KDM1B: variants seen among roughly 807,000 people sequenced by gnomAD.
KDM1B encodes lysine demethylase 1B.
A neutral mutation model predicts 107.4 loss-of-function variants in KDM1B; 63 were observed. The observed-to-expected ratio is 0.59, with a 90% CI of 0.48 to 0.72. The LOEUF (loss-of-function observed/expected upper bound fraction) is 0.72. Ranked by LOEUF, KDM1B falls within the 30% of genes least tolerant of loss-of-function variation. The pLI is 0.00. For synonymous variants in KDM1B, 363 were observed against 363.9 expected (o/e 1.00, Z 0.03); for missense variants, 749 against 1,020.8 (o/e 0.73, Z 3.63).
chr6:18,219,936 C>A (rs974213323), intron 21 of KDM1B, among the ~76,000 whole-genome samples: 2 of 152,212 alleles, frequency 1.3e-5, no homozygotes, highest in East Asian at 3.9e-4. Context: ...CTCTAAGTCA[C>A]ATCTCTGAGG....
At chr6:18,163,571 A>G (rs1785104992) in intron 5 of KDM1B, among the ~76,000 whole-genome samples, 1 of 152,200 alleles carries the variant, frequency 6.6e-6, no homozygotes, top group African/African-American at 2.4e-5. Flanking sequence ...TTTAAATGCC[A>G]TAAATTTCTG....
intron 7 of KDM1B, among the ~76,000 whole-genome samples, chr6:18,173,409 G>A (rs2150835488): frequency 6.6e-6 from 1 of 152,130 alleles, no homozygotes; most frequent in Middle Eastern, 3.4e-3. Context: ...ATGTAATCTG[G>A]ATATAACCAT....
chr6:18,168,505 C>T (rs533892524), intron 6 of KDM1B, among the ~76,000 whole-genome samples: 2 of 152,244 alleles, frequency 1.3e-5, no homozygotes, highest in Admixed American at 6.5e-5. Flanking sequence ...TTTAAGCATT[C>T]ATCTATTGAT....
Position 18,191,233 on chromosome 6 carries a change from A to T in KDM1B, c.821A>T (p.Gln274Leu), listed in dbSNP as rs2150934211. ...GMNRYFQPFY[Q>L]PNECGKALCV... The stretch of plus-strand genomic sequence containing the variant: ...AACCGATACTTCCAGCCTTTCTACC[A>T]GCCCAATGAGTGTGGCAAAGCCCTC... The change falls in exon 10 of 22, where the codon CAG becomes CTG. Residue 274 changes from glutamine to leucine, a missense_variant. Gln to Leu is a moderately radical substitution (Grantham distance 113, BLOSUM62 -2). Transcript: ENST00000650836. This position sits in a 1 kb window ranked among gnomAD's most constrained non-coding sequence, Gnocchi z 5.1. The T allele has an allele frequency of 6.4e-6, 10 of 1,550,578 alleles. No homozygotes were observed. The highest frequency in any genetic ancestry group is 8.7e-6 in the Non-Finnish European group (10 of 1,147,004).
intron 12 of KDM1B, among the ~76,000 whole-genome samples, chr6:18,199,630 A>G (rs1787902763): frequency 1.3e-5 from 2 of 152,088 alleles, no homozygotes; most frequent in South Asian, 4.1e-4. Flanking sequence ...GGGGCAATAA[A>G]ATAGCCTGGG....
Position 18,197,678 on chromosome 6 carries a change from A to G in KDM1B, c.1221+17A>G, listed in dbSNP as rs1317335210. 6.2e-7 allele frequency: 1 copy of G among 1,602,586 alleles called. No individual in the cohort carries two copies. The highest frequency in any genetic ancestry group is 8.5e-7 in the Non-Finnish European group (1 of 1,169,740). On this transcript the variant is annotated intron_variant, in intron 12 of 21. Transcript: ENST00000650836. This position sits in a 1 kb window ranked among gnomAD's most constrained non-coding sequence, Gnocchi z 4.5. Reference sequence around the variant, plus strand: ...GGAATTAAGGTAGGATTTTGGGGACATGGAGTTAGAACAGATGGTTGACTG... The same window carrying G: ...GGAATTAAGGTAGGATTTTGGGGACGTGGAGTTAGAACAGATGGTTGACTG...
intron 5 of KDM1B, among the ~76,000 whole-genome samples, chr6:18,163,213 C>T (rs1785081114): frequency 6.7e-6 from 1 of 150,216 alleles, no homozygotes; most frequent in Non-Finnish European, 1.5e-5. Context: ...TTTCAGCTTA[C>T]TGCAACCTCC....
chr6:18,212,393 T>G lies in KDM1B; in HGVS notation c.1867-95T>G. On this transcript the variant is annotated intron_variant, in intron 17 of 21. Coordinates refer to ENST00000650836, the MANE Select transcript of KDM1B (RefSeq NM_001364614.2). This position sits in a 1 kb window ranked among gnomAD's most constrained non-coding sequence, Gnocchi z 5.2. ...CAGTTGCACATGGCAGCCCTTGTTCTTGCCAGTATAACAGCATGGGTTGTT... is the reference window on the plus strand; with the variant it reads ...CAGTTGCACATGGCAGCCCTTGTTCGTGCCAGTATAACAGCATGGGTTGTT... 1 of 815,720 alleles carries G rather than the reference T, an allele frequency of 1.2e-6. No individual in the cohort carries two copies. Among genetic ancestry groups the G allele is most frequent in the Non-Finnish European group, 2.2e-6 (1 of 460,684 alleles). 50.5% of individuals were successfully genotyped at this position (815,720 alleles called of 1,614,324 possible). A position where few individuals can be genotyped will look rare whatever the true frequency, so the allele number is the denominator to read the frequency against.
Position 18,212,125 on chromosome 6 carries a change from T to TA in KDM1B, c.1867-363_1867-362insA. 5.2e-6 allele frequency: 1 copy of TA among 190,634 alleles called. No homozygotes were observed. The highest frequency in any genetic ancestry group is 1.1e-5 in the Non-Finnish European group (1 of 91,322). The allele number at this position is 190,634 out of a possible 1,614,324, so 11.8% of individuals were successfully genotyped here. A position where few individuals can be genotyped will look rare whatever the true frequency, so the allele number is the denominator to read the frequency against. On this transcript the variant is annotated intron_variant, in intron 17 of 21. Transcript: ENST00000650836. This position sits in a 1 kb window ranked among gnomAD's most constrained non-coding sequence, Gnocchi z 5.2. ...CACACCTGGCTAATTTTTGTATTTT[T>TA]GTAGAGACAGGGTTTCACCATGTTG...
chr6:18,164,661 C>T (rs1423078878), intron 5 of KDM1B, among the ~76,000 whole-genome samples: 1 of 151,842 alleles, frequency 6.6e-6, no homozygotes, highest in East Asian at 1.9e-4. Context: ...GAGTAGGTTT[C>T]TTTTCTTTTC....
At position 18,200,369 on chromosome 6, in the gene KDM1B, A is replaced by G. The variant is rs1787954645; in HGVS notation, c.1222-70A>G. ...AGGCTATTTAACAGTGTCCTTCTAC[A>G]TTTTTATAATACTGTGTCTGATATA... is the stretch of plus-strand genomic sequence containing the variant. On this transcript the variant is annotated intron_variant, in intron 12 of 21. Coordinates refer to ENST00000650836, the MANE Select transcript of KDM1B (RefSeq NM_001364614.2). The surrounding 1 kb of genome is among the most constrained non-coding windows in gnomAD (Gnocchi z 4.3). The G allele has an allele frequency of 6.2e-6, 9 of 1,444,506 alleles. No individual in the cohort carries two copies. The African/African-American group carries it at 1.1e-4, about 18-fold the overall frequency. The allele number at this position is 1,444,506 out of a possible 1,614,324, so 89.5% of individuals were successfully genotyped here.
chr6:18,215,246 GTCT>G (rs1789134375), intron 20 of KDM1B, 117 bp downstream of exon 20: 1 of 1,219,430 alleles, frequency 8.2e-7, no homozygotes, highest in Non-Finnish European at 1.1e-6. Flanking sequence ...AGAGGCCACA[GTCT>G]TCTTTCTTTC....
At chr6:18,161,125 T>A (rs1002368329) in intron 3 of KDM1B, among the ~76,000 whole-genome samples, 1 of 152,188 alleles carries the variant, frequency 6.6e-6, no homozygotes, top group Non-Finnish European at 1.5e-5. Flanking sequence ...GTTAAAATGC[T>A]ATTTCTATAT....
chr6:18,178,055 C>T (rs775431920), intron 7 of KDM1B, among the ~76,000 whole-genome samples: 3 of 151,668 alleles, frequency 2.0e-5, no homozygotes, highest in Non-Finnish European at 4.4e-5. Context: ...AATTTTTTTT[C>T]CTGTAATTGT....
chr6:18,219,637 C>T (rs941541922), intron 21 of KDM1B, among the ~76,000 whole-genome samples: 4 of 152,204 alleles, frequency 2.6e-5, no homozygotes, highest in Non-Finnish European at 5.9e-5. Flanking sequence ...TTTCCTCAGT[C>T]TCAGAGTTCT....
In KDM1B at chr6:18,215,977, T is replaced by A. The variant is rs214583; in HGVS notation, c.2232+848T>A. ...GAGATTTGTAAATGGCCATGGCTTATATCTTTTTGAAATAAAGGAGCAGAA... is the reference window on the plus strand; with the variant it reads ...GAGATTTGTAAATGGCCATGGCTTAAATCTTTTTGAAATAAAGGAGCAGAA... On this transcript the variant is annotated intron_variant, in intron 20 of 21. Coordinates refer to ENST00000650836, the MANE Select transcript of KDM1B (RefSeq NM_001364614.2). Among the ~76,000 whole-genome samples the A allele has an allele frequency of 2.0e-5, 3 of 152,216 alleles. No individual in the cohort carries two copies. The South Asian group carries it at 6.2e-4, about 32-fold the overall frequency.
In KDM1B at chr6:18,179,836, A is replaced by ACTAGATATTTTTTCT. The variant is rs369714077; in HGVS notation, c.535-5936_535-5935insCTAGATATTTTTTCT. 2.4e-4 allele frequency among the ~76,000 whole-genome samples: 20 copies of ACTAGATATTTTTTCT among 83,518 alleles called. 10 individuals are homozygous for ACTAGATATTTTTTCT. The highest frequency in any genetic ancestry group is 6.9e-4 in the African/African-American group (14 of 20,304). The allele number at this position is 83,518 out of a possible 152,430, so 54.8% of individuals were successfully genotyped here. On this transcript the variant is annotated intron_variant, in intron 7 of 21. Coordinates refer to ENST00000650836, the MANE Select transcript of KDM1B (RefSeq NM_001364614.2). ...CTATTCCAAAATCTTTCAATTTAGC[A>ACTAGATATTTTTTCT]TTGGTTTTTTTTCCTTTTTTTTTTT...
At chr6:18,196,942 G>T (rs1406779599) in intron 10 of KDM1B, 115 bp from the exon 11 acceptor site, 4 of 999,618 alleles carry the variant, frequency 4.0e-6, no homozygotes, top group East Asian at 2.4e-5. Context: ...ATCTGCCTTT[G>T]AGAAATGTTG....
chr6:18,210,532 T>A (rs79680135), intron 17 of KDM1B, among the ~76,000 whole-genome samples: 110 of 146,932 alleles, frequency 7.5e-4, no homozygotes, highest in African/African-American at 2.4e-3. Context: ...TAATTAAAAA[T>A]TTTTTTTTTG....
Sources: allele counts gnomAD v4.1 joint callset (sites outside exome capture counted in the v4.1 genomes callset), GRCh38; gene constraint gnomAD v4.1.1; non-coding constraint Gnocchi (gnomAD v3.1); transcripts MANE v1.5; gene names NCBI Gene and HGNC (gene_info 2026-07-23, HGNC 2026-07-21).